The following NKAIN4 variants were observed in gnomAD, a reference collection of about 807,000 sequenced individuals.
NKAIN4 encodes sodium/potassium transporting ATPase interacting 4.
NKAIN4 carries 28 observed loss-of-function variants against 28.8 expected under a neutral mutation model. The ratio of observed to expected loss-of-function variants is 0.97; its 90% confidence interval spans 0.72 to 1.33. The LOEUF is 1.33. NKAIN4 is among the 40% of genes most tolerant of loss of function. The probability of loss-of-function intolerance (pLI) is 0.00; values close to 1 mark genes in which losing one functional copy is unlikely to be tolerated. For synonymous variants in NKAIN4, 122 were observed against 115.6 expected (o/e 1.06, Z -0.36); for missense variants, 289 against 277.2 (o/e 1.04, Z -0.30).
At chr20:63,248,060 C>T (rs1601289217) in intron 3 of NKAIN4, 3 of 328,022 alleles carry the variant, frequency 9.1e-6, no homozygotes, top group African/African-American at 4.3e-5. Flanking sequence ...GCACCGGGCC[C>T]CTTCCTCGTG....
At chr20:63,248,073 G>A (rs1035847142) in intron 3 of NKAIN4, 6 of 294,962 alleles carry the variant, frequency 2.0e-5, no homozygotes, top group East Asian at 5.7e-5. Context: ...TCCTCGTGTC[G>A]CTGGCCAAAG....
rs115261055 is a variant in NKAIN4, at chr20:63,246,633, G to A, written c.471+945C>T. 5,741 of 985,326 alleles carry A rather than the reference G, an allele frequency of 5.8e-3. 224 individuals carry two copies. In the African/African-American group the frequency reaches 0.088, roughly 15 times the overall value. The allele number at this position is 985,326 out of a possible 1,614,324, so 61.0% of individuals were successfully genotyped here. ...CCTGGAAGCCCCAGGTCCACCTGGT[G>A]TGTTGCGTCGACACCACCGTGCGCA... On this transcript the variant is annotated intron_variant, in intron 4 of 6. Coordinates refer to ENST00000370316, the MANE Select transcript of NKAIN4 (RefSeq NM_152864.4).
At chr20:63,241,545 G>A in intron 6 of NKAIN4, 39 bp from the exon 7 acceptor site, 1 of 1,546,520 alleles carries the variant, frequency 6.5e-7, no homozygotes, top group Non-Finnish European at 8.7e-7. Context: ...GGGGAACAGG[G>A]CTGGGGCAGC....
intron 1 of NKAIN4, among the ~76,000 whole-genome samples, chr20:63,251,611 C>G (rs1348736666): frequency 6.6e-6 from 1 of 152,148 alleles, no homozygotes; most frequent in Non-Finnish European, 1.5e-5. Context: ...GTCTTCTGGT[C>G]ACTTCTCACT....
chr20:63,244,043 A>G lies in NKAIN4; in HGVS notation c.513T>C (p.Phe171=). 1 of 1,613,768 alleles carries G rather than the reference A, an allele frequency of 6.2e-7. No homozygotes were observed. The highest frequency in any genetic ancestry group is 1.1e-5 in the South Asian group (1 of 90,980). The change falls in exon 5 of 7, where the codon TTT becomes TTC. Residue 171 remains phenylalanine (F), a synonymous_variant. Coordinates refer to ENST00000370316, the MANE Select transcript of NKAIN4 (RefSeq NM_152864.4). ...FVCGCQVVSV[F]TEEEDSFDFI... ...ACTCACAGCTGTCCTCTTCCTCCGT[A>G]AACACGCTGACCACCTGGCAGCCAC...
chr20:63,241,264 C>CTTT lies in NKAIN4; in HGVS notation c.*230_*232dup. On this transcript the variant is annotated 3_prime_UTR_variant, in exon 7 of 7. Transcript: ENST00000370316. ...CCTTTTCTTTTGTATGTTTTCTTTT[C>CTTT]TTTTTTTTTTTTAAGAGAAAGGAAA... 2.0e-5 allele frequency: 9 copies of CTTT among 461,198 alleles called. No homozygotes were observed. The highest frequency in any genetic ancestry group is 3.1e-5 in the Non-Finnish European group (8 of 258,456). 28.6% of individuals were successfully genotyped at this position (461,198 alleles called of 1,614,324 possible). A position where few individuals can be genotyped will look rare whatever the true frequency, so the allele number is the denominator to read the frequency against.
intron 4 of NKAIN4, 73 bp from the exon 5 acceptor site, chr20:63,244,157 C>T: frequency 7.2e-7 from 1 of 1,393,220 alleles, no homozygotes; most frequent in Non-Finnish European, 1.0e-6. Context: ...GCGATGTGGG[C>T]CGAAGCACTG....
In NKAIN4 at chr20:63,252,066, A is replaced by C. The variant is rs2066970310; in HGVS notation, c.55-1994T>G. Among the ~76,000 whole-genome samples the C allele has an allele frequency of 6.6e-6, 1 of 152,184 alleles. No homozygotes were observed. Among genetic ancestry groups the C allele is most frequent in the African/African-American group, 2.4e-5 (1 of 41,454 alleles). ...CTGGGACAAGCTGCACATCTCGGCTAAGGGGTCTCGGCCTGAGGAGCAGCC... is the reference window on the plus strand; with the variant it reads ...CTGGGACAAGCTGCACATCTCGGCTCAGGGGTCTCGGCCTGAGGAGCAGCC... On this transcript the variant is annotated intron_variant, in intron 1 of 6. Coordinates refer to ENST00000370316, the MANE Select transcript of NKAIN4 (RefSeq NM_152864.4). This position sits in a 1 kb window ranked among gnomAD's most constrained non-coding sequence, Gnocchi z 4.6.
chr20:63,244,155 G>T, intron 4 of NKAIN4, 71 bp from the exon 5 acceptor site: 1 of 1,418,100 alleles, frequency 7.1e-7, no homozygotes, highest in Non-Finnish European at 9.8e-7. Flanking sequence ...AGGCGATGTG[G>T]GCCGAAGCAC....
Position 63,241,500 on chromosome 20 carries a change from C to T in NKAIN4, c.624G>A (p.Ala208=), listed in dbSNP as rs533476746. The change falls in exon 7 of 7, where the codon GCG becomes GCA. Residue 208 remains alanine (A), a synonymous_variant. Coordinates refer to ENST00000370316, the MANE Select transcript of NKAIN4 (RefSeq NM_152864.4). ...SLLSKQVYLP[A] is the part of the protein sequence containing the mutation. ...GCAGGATCAGCTGTTTCCTCACTTA[C>T]GCAGGCCTGTGGGGACAAGGTCAGA... 12 of 1,550,294 alleles carry T rather than the reference C, an allele frequency of 7.7e-6. No homozygotes were observed. Among genetic ancestry groups the T allele is most frequent in the South Asian group, 5.9e-5 (5 of 84,046 alleles).
chr20:63,254,456 C>T lies in NKAIN4; in HGVS notation c.-6G>A. 7.4e-7 allele frequency: 1 copy of T among 1,356,476 alleles called. No homozygotes were observed. The allele number at this position is 1,356,476 out of a possible 1,614,324, so 84.0% of individuals were successfully genotyped here. ...CGGCCGGAGCAGGAGCCCATGGTGCCCGCCTATACAGGAGGCCCCCGGGTG... is the reference window on the plus strand; with the variant it reads ...CGGCCGGAGCAGGAGCCCATGGTGCTCGCCTATACAGGAGGCCCCCGGGTG... On this transcript the variant is annotated 5_prime_UTR_variant, in exon 1 of 7. Transcript: ENST00000370316.
chr20:63,252,679 CT>C lies in NKAIN4; in HGVS notation c.54+1717del, dbSNP rs1200735602. On this transcript the variant is annotated intron_variant, in intron 1 of 6. Transcript: ENST00000370316. The surrounding 1 kb of genome is among the most constrained non-coding windows in gnomAD (Gnocchi z 4.6). The stretch of plus-strand genomic sequence containing the variant: ...AGGCTGGCCCTGAGAGGACACGGCT[CT>C]GCCCAGTCCCTGGAGAGTCCCCAGG... Among the ~76,000 whole-genome samples, 1 of 152,176 alleles carries C rather than the reference CT, an allele frequency of 6.6e-6. No individual in the cohort carries two copies. Among genetic ancestry groups the C allele is most frequent in the Non-Finnish European group, 1.5e-5 (1 of 68,026 alleles).
At chr20:63,242,406 T>C (rs1568701085) in intron 6 of NKAIN4, 133 bp downstream of exon 6, 1 of 719,698 alleles carries the variant, frequency 1.4e-6, no homozygotes. Flanking sequence ...AAAGTGAGAG[T>C]GGATGGATGG....
At chr20:63,243,481 C>T (rs370957906) in intron 5 of NKAIN4, among the ~76,000 whole-genome samples, 1 of 152,088 alleles carries the variant, frequency 6.6e-6, no homozygotes, top group Non-Finnish European at 1.5e-5. Context: ...CGGCTCTATC[C>T]TTCTCCACAG....
rs2066775136 is a variant in NKAIN4 at position 63,242,559 on chromosome 20, G to C, written c.597C>G (p.Leu199=). Residue 199 remains leucine (L), a synonymous_variant, in exon 6 of 7, where the codon CTC becomes CTG. Coordinates refer to ENST00000370316, the MANE Select transcript of NKAIN4 (RefSeq NM_152864.4). ...LYHVNEKPSS[L]LSKQVYLPA is the part of the protein sequence containing the mutation. Reference sequence around the variant, plus strand: ...CTTACAAGTACACCTGCTTGGACAAGAGACTGGATGGCTTTTCATTGACAT... The same window carrying C: ...CTTACAAGTACACCTGCTTGGACAACAGACTGGATGGCTTTTCATTGACAT... The C allele has an allele frequency of 5.0e-6, 8 of 1,613,080 alleles. No homozygotes were observed. The highest frequency in any genetic ancestry group is 5.9e-6 in the Non-Finnish European group (7 of 1,179,180).
chr20:63,247,401 C>A (rs1378524938), intron 4 of NKAIN4, 177 bp downstream of exon 4: 26 of 1,532,612 alleles, frequency 1.7e-5, no homozygotes, highest in Non-Finnish European at 2.3e-5. Context: ...GAGGTGCCAG[C>A]CACATGGGAC....
chr20:63,242,563 CT>C lies in NKAIN4; in HGVS notation c.592del (p.Ser198ValfsTer13). ...PLYHVNEKPS[S>X]LLSKQVYLPA ...CAAGTACACCTGCTTGGACAAGAGA[CT>C]GGATGGCTTTTCATTGACATGGTAG... On this transcript the variant is annotated frameshift_variant, in exon 6 of 7. Transcript: ENST00000370316. LOFTEE classifies it high-confidence loss of function. The C allele has an allele frequency of 1.2e-6, 2 of 1,613,470 alleles. No individual in the cohort carries two copies. The highest frequency in any genetic ancestry group is 1.7e-6 in the Non-Finnish European group (2 of 1,179,518).
Position 63,245,900 on chromosome 20 carries a change from G to A in NKAIN4, c.471+1678C>T, listed in dbSNP as rs933133358. Among the ~76,000 whole-genome samples the A allele has an allele frequency of 5.3e-5, 8 of 151,082 alleles. No homozygotes were observed. The highest frequency in any genetic ancestry group is 1.7e-4 in the African/African-American group (7 of 40,998). On this transcript the variant is annotated intron_variant, in intron 4 of 6. Transcript: ENST00000370316. The surrounding 1 kb of genome is among the most constrained non-coding windows in gnomAD (Gnocchi z 4.7). ...CTCCCATAGCACGCCAGCCCCCTCC[G>A]AGAGACTCTTCATTCATTCCCCTCA...
chr20:63,254,285 G>A (rs1263848193), intron 1 of NKAIN4, 112 bp downstream of exon 1: 2 of 867,494 alleles, frequency 2.3e-6, no homozygotes, highest in South Asian at 2.4e-5. Context: ...CTCGGAGCTG[G>A]CGCGGGACCC....
Sources: allele counts gnomAD v4.1 joint callset (sites outside exome capture counted in the v4.1 genomes callset), GRCh38; gene constraint gnomAD v4.1.1; non-coding constraint Gnocchi (gnomAD v3.1); transcripts MANE v1.5; gene names NCBI Gene and HGNC (gene_info 2026-07-23, HGNC 2026-07-21).